SPAG5: variants seen among roughly 807,000 people sequenced by gnomAD.
SPAG5 encodes sperm associated antigen 5, also known as sperm-associated antigen 5.
SPAG5 carries 99 observed loss-of-function variants against 145.4 expected under a neutral mutation model. The observed-to-expected ratio is 0.68, with a 90% CI of 0.58 to 0.80. The LOEUF is 0.80. SPAG5 is among the 30% of genes least tolerant of loss of function. The pLI is 0.00. For missense variants in SPAG5, 1,192 were observed against 1,416.0 expected (o/e 0.84, Z 2.54); for synonymous variants, 477 against 525.4 (o/e 0.91, Z 1.26).
rs1424575886 is a variant in SPAG5, at chr17:28,583,513, T to C, written c.2683A>G (p.Lys895Glu). Reference protein sequence around the residue: ...TLFLQTKLKEKTEQETLLLST... With the variant: ...TLFLQTKLKEETEQETLLLST... Reference sequence around the variant, plus strand: ...GAGAAGGAACCCCAGGATCCTACCTTCTCCTTTAGTTTTGTCTGTAGAAAG... The same window carrying C: ...GAGAAGGAACCCCAGGATCCTACCTCCTCCTTTAGTTTTGTCTGTAGAAAG... The change falls in exon 15 of 24, where the codon AAG becomes GAG. Residue 895 changes from lysine to glutamate, a missense_variant and splice_region_variant. By Grantham distance (56) the Lys-to-Glu change is moderately conservative. Coordinates refer to ENST00000321765, the MANE Select transcript of SPAG5 (RefSeq NM_006461.4). The C allele has an allele frequency of 6.3e-7, 1 of 1,590,662 alleles. No homozygotes were observed. The highest frequency in any genetic ancestry group is 2.2e-5 in the East Asian group (1 of 44,622).
At chr17:28,594,712 T>G (rs1449895200) in intron 2 of SPAG5, among the ~76,000 whole-genome samples, 2 of 152,240 alleles carry the variant, frequency 1.3e-5, no homozygotes, top group Non-Finnish European at 2.9e-5. Flanking sequence ...TCCTACTTAC[T>G]GACCTGGGTA....
chr17:28,581,579 T>C (rs1404130829), intron 15 of SPAG5, among the ~76,000 whole-genome samples: 1 of 151,042 alleles, frequency 6.6e-6, no homozygotes, highest in Non-Finnish European at 1.5e-5. Context: ...ACTTGTTGGA[T>C]TTTTCCTTGG....
chr17:28,591,957 G>A, intron 3 of SPAG5, 25 bp downstream of exon 3: 1 of 1,611,126 alleles, frequency 6.2e-7, no homozygotes, highest in Non-Finnish European at 8.5e-7. Context: ...GAACTCACGA[G>A]GTGCAAGGAC....
In SPAG5 at chr17:28,585,249, A is replaced by G. The variant is rs758625333; in HGVS notation, c.1954-34T>C. ...GGAAGCAAGCAGGTCAGTAGAGCACACTTGAGGCAAAGCTCACAACAGGAC... is the reference window on the plus strand; with the variant it reads ...GGAAGCAAGCAGGTCAGTAGAGCACGCTTGAGGCAAAGCTCACAACAGGAC... On this transcript the variant is annotated intron_variant, in intron 9 of 23. Coordinates refer to ENST00000321765, the MANE Select transcript of SPAG5 (RefSeq NM_006461.4). 9.3e-6 allele frequency: 15 copies of G among 1,611,872 alleles called. No homozygotes were observed. In the African/African-American group the frequency reaches 1.9e-4, roughly 20 times the overall value.
rs576545168 is a variant in SPAG5 at position 28,583,396 on chromosome 17, G to A, written c.2685+115C>T. Reference sequence around the variant, plus strand: ...TTGAGCAACAGGCTAATGAGGTCCTGTAGGTAACTGAAATCATAAAAGGTC... The same window carrying A: ...TTGAGCAACAGGCTAATGAGGTCCTATAGGTAACTGAAATCATAAAAGGTC... On this transcript the variant is annotated intron_variant, in intron 15 of 23. Transcript: ENST00000321765. 5.1e-6 allele frequency: 6 copies of A among 1,171,604 alleles called. No individual in the cohort carries two copies. In the Admixed American group the frequency reaches 1.6e-4, roughly 31 times the overall value. The allele number at this position is 1,171,604 out of a possible 1,614,324, so 72.6% of individuals were successfully genotyped here.
chr17:28,579,116 C>G, intron 19 of SPAG5, 25 bp downstream of exon 19: 10 of 1,583,934 alleles, frequency 6.3e-6, no homozygotes, highest in Non-Finnish European at 8.7e-6. Flanking sequence ...TTCTTCATCG[C>G]CCCACTTCTA....
chr17:28,579,490 AAG>A lies in SPAG5; in HGVS notation c.2885-7_2885-6del. The A allele has an allele frequency of 6.2e-7, 1 of 1,613,452 alleles. No homozygotes were observed. Among genetic ancestry groups the A allele is most frequent in the Non-Finnish European group, 8.5e-7 (1 of 1,179,714 alleles). On this transcript the variant is annotated splice_region_variant and splice_polypyrimidine_tract_variant and intron_variant, in intron 17 of 23. Coordinates refer to ENST00000321765, the MANE Select transcript of SPAG5 (RefSeq NM_006461.4). The stretch of plus-strand genomic sequence containing the variant: ...TCTCCTCCATGCCTGGGGTCTCTGA[AAG>A]AGAAAGTCCCAGATAGAGGTCTAGC...
chr17:28,585,416 A>G lies in SPAG5; in HGVS notation c.1861-5T>C, dbSNP rs754385116. ...TTGCTTGGCATGAAGCCCTACCTAC[A>G]AAAGAAAGATTGCCTAGGCGGGAAC... On this transcript the variant is annotated splice_region_variant and splice_polypyrimidine_tract_variant and intron_variant, in intron 8 of 23. Transcript: ENST00000321765. The G allele has an allele frequency of 4.3e-6, 7 of 1,614,186 alleles. No homozygotes were observed. The South Asian group carries it at 5.5e-5, about 13-fold the overall frequency.
chr17:28,579,974 C>T, intron 16 of SPAG5, 35 bp downstream of exon 16: 2 of 1,576,428 alleles, frequency 1.3e-6, no homozygotes, highest in Non-Finnish European at 1.7e-6. Flanking sequence ...AGCAGCGTCA[C>T]AACTTTCCCA....
chr17:28,579,536 A>C, intron 17 of SPAG5, 51 bp from the exon 18 acceptor site: 1 of 1,589,496 alleles, frequency 6.3e-7, no homozygotes. Context: ...CCTGGAAGGA[A>C]GGAGTGTATA....
intron 2 of SPAG5, among the ~76,000 whole-genome samples, chr17:28,596,848 A>G (rs1365577964): frequency 1.9e-4 from 28 of 148,322 alleles, no homozygotes; most frequent in South Asian, 1.3e-3. Context: ...GCTCACGCCT[A>G]TAATCCCAGC....
chr17:28,579,027 G>T, intron 19 of SPAG5, 114 bp downstream of exon 19: 1 of 890,906 alleles, frequency 1.1e-6, no homozygotes, highest in East Asian at 2.5e-5. Context: ...GGCAAAACTA[G>T]GGCAGTGGTT....
intron 23 of SPAG5, 46 bp from the exon 24 acceptor site, chr17:28,577,816 G>GCCCA: frequency 2.6e-6 from 4 of 1,515,652 alleles, no homozygotes; most frequent in Non-Finnish European, 3.7e-6. Flanking sequence ...CAGACTTAAG[G>GCCCA]CCCAGGGCTC....
chr17:28,579,806 T>C lies in SPAG5; in HGVS notation c.2829A>G (p.Gly943=), dbSNP rs780823752. The C allele has an allele frequency of 2.5e-6, 4 of 1,614,014 alleles. No individual in the cohort carries two copies. The African/African-American group carries it at 4.0e-5, about 16-fold the overall frequency. ...EPESTPVPLL[G]SDKSAFTRVA... is the part of the protein sequence containing the mutation. ...CTCGGGTGAAAGCACTCTTGTCACT[T>C]CCAAGCAAGGGCACAGGAGTTGATT... is the stretch of plus-strand genomic sequence containing the variant. The change falls in exon 17 of 24, where the codon GGA becomes GGG. Residue 943 remains glycine, a synonymous_variant. Coordinates refer to ENST00000321765, the MANE Select transcript of SPAG5 (RefSeq NM_006461.4).
In SPAG5 at chr17:28,579,162, C is replaced by T. The variant is rs1187789722; in HGVS notation, c.3096G>A (p.Gln1032=). ...AKEADIEKLN[Q]ALCLRYKNEK... is the part of the protein sequence containing the mutation. ...TCACCTTGTAGCGCAAGCACAAGGC[C>T]TGGTTCAGCTTCTCTATGTCTGCTT... is the stretch of plus-strand genomic sequence containing the variant. The change falls in exon 19 of 24, where the codon CAG becomes CAA. Residue 1032 remains glutamine (Q), a synonymous_variant. Coordinates refer to ENST00000321765, the MANE Select transcript of SPAG5 (RefSeq NM_006461.4). 6.2e-7 allele frequency: 1 copy of T among 1,613,668 alleles called. No homozygotes were observed. The highest frequency in any genetic ancestry group is 8.5e-7 in the Non-Finnish European group (1 of 1,180,044).
chr17:28,586,284 TA>T, intron 5 of SPAG5, 102 bp from the exon 6 acceptor site: 1 of 1,221,356 alleles, frequency 8.2e-7, no homozygotes, highest in Non-Finnish European at 1.2e-6. Flanking sequence ...AAGCTCCGCA[TA>T]AGGAGATGTA....
Position 28,598,938 on chromosome 17 carries a change from T to C in SPAG5, c.9A>G (p.Arg3=). MW[R]VKKLSLSLSP... ...ACAGGCTGAGGCTCAGTTTTTTCAC[T>C]CGCCACATCTTCAACCAGAAGGCAG... Residue 3 remains arginine, a synonymous_variant, in exon 1 of 24, where the codon CGA becomes CGG. Coordinates refer to ENST00000321765, the MANE Select transcript of SPAG5 (RefSeq NM_006461.4). 1 of 1,614,014 alleles carries C rather than the reference T, an allele frequency of 6.2e-7. No individual in the cohort carries two copies. Among genetic ancestry groups the C allele is most frequent in the African/African-American group, 1.3e-5 (1 of 74,994 alleles).
At position 28,580,039 on chromosome 17, in the gene SPAG5, C is replaced by A; in HGVS notation, c.2767G>T (p.Gly923Ter). Residue 923 changes from glycine (G) to a stop codon, truncating the protein, a stop_gained, in exon 16 of 24, where the codon GGA becomes TGA. Transcript: ENST00000321765. LOFTEE classifies it high-confidence loss of function. Reference protein sequence around the residue: ...HPLPNDRTFLGSILTAVADEE... With the variant: ...HPLPNDRTFL ...TCTGCCACTGCTGTCAAGATGCTTC[C>A]CAGGAAGGTCCTGTCATTAGGCAGA... is the stretch of plus-strand genomic sequence containing the variant. The A allele has an allele frequency of 6.2e-7, 1 of 1,613,940 alleles. No homozygotes were observed. Among genetic ancestry groups the A allele is most frequent in the Non-Finnish European group, 8.5e-7 (1 of 1,179,926 alleles).
At position 28,591,677 on chromosome 17, in the gene SPAG5, CTT is replaced by C. The variant is rs766876783; in HGVS notation, c.1437+19_1437+20del. 44 of 1,586,008 alleles carry C rather than the reference CTT, an allele frequency of 2.8e-5. No individual in the cohort carries two copies. The South Asian group carries it at 4.2e-4, about 15-fold the overall frequency. On this transcript the variant is annotated intron_variant, in intron 4 of 23. Coordinates refer to ENST00000321765, the MANE Select transcript of SPAG5 (RefSeq NM_006461.4). ...AGGATCCCCACTGGGATCCCTCAAG[CTT>C]TGAGAGGAACCTTCTTACCCCACTG...
Sources: gnomAD v4.1 joint callset for allele counts (sites outside exome capture counted in the v4.1 genomes callset) on GRCh38, gnomAD v4.1.1 for gene constraint, MANE v1.5 for transcripts, NCBI Gene and HGNC (gene_info 2026-07-23, HGNC 2026-07-21) for gene names.